Variants in CSMD2 observed in about 807,000 individuals in gnomAD.
CSMD2 encodes the protein CUB and Sushi multiple domains 2, also known as CUB and sushi domain-containing protein 2.
Under a neutral mutation model 398.5 loss-of-function variants are expected in CSMD2, and 130 were observed. That is an observed-to-expected ratio of 0.33 (90% confidence interval 0.28 to 0.38). The LOEUF (loss-of-function observed/expected upper bound fraction) is 0.38, where lower values mean the gene tolerates loss of function less well. CSMD2 is among the 10% of genes least tolerant of loss of function. CSMD2 has a pLI of 1.00. For missense variants in CSMD2, 3,829 were observed against 4,764.9 expected (o/e 0.80, Z 5.78); for synonymous variants, 1,828 against 1,908.5 (o/e 0.96, Z 1.10).
intron 1 of CSMD2, among the ~76,000 whole-genome samples, chr1:34,090,293 C>G (rs953532460): frequency 6.6e-6 from 1 of 152,182 alleles, no homozygotes; most frequent in African/African-American, 2.4e-5. Context: ...TGGGACCACA[C>G]TTTGAGCAGC....
intron 5 of CSMD2, among the ~76,000 whole-genome samples, chr1:33,906,763 G>A (rs1643115551): frequency 6.6e-6 from 1 of 152,154 alleles, no homozygotes; most frequent in African/African-American, 2.4e-5. Context: ...CTGGCTCAGT[G>A]GGTAGGCTGG....
At chr1:33,617,431 G>A in intron 38 of CSMD2, 68 bp downstream of exon 38, 4 of 1,177,380 alleles carry the variant, frequency 3.4e-6, no homozygotes, top group Non-Finnish European at 5.1e-6. Flanking sequence ...TAGCTCTGCT[G>A]GTGTAAGGCT....
intron 4 of CSMD2, among the ~76,000 whole-genome samples, chr1:33,928,363 G>C (rs1644198626): frequency 6.6e-6 from 1 of 152,194 alleles, no homozygotes; most frequent in South Asian, 2.1e-4. Flanking sequence ...CTGGTACTTA[G>C]TTAGGGCTCA....
chr1:33,548,285 C>T (rs891650895), intron 56 of CSMD2, among the ~76,000 whole-genome samples: 1 of 152,194 alleles, frequency 6.6e-6, no homozygotes, highest in Admixed American at 6.5e-5. Flanking sequence ...GCCCCCACTA[C>T]AGTATTGGAG....
At chr1:34,054,375 C>T (rs987227607) in intron 2 of CSMD2, among the ~76,000 whole-genome samples, 1 of 152,258 alleles carries the variant, frequency 6.6e-6, no homozygotes, top group East Asian at 1.9e-4. Context: ...AGAACTTGCA[C>T]TAAAGACAGG....
chr1:33,523,648 T>C (rs1413918339), intron 66 of CSMD2, among the ~76,000 whole-genome samples: 1 of 152,208 alleles, frequency 6.6e-6, no homozygotes, highest in Non-Finnish European at 1.5e-5. Flanking sequence ...ATGTTAATAA[T>C]TGGATTACCG....
intron 1 of CSMD2, among the ~76,000 whole-genome samples, chr1:34,152,804 A>T (rs1180773726): frequency 2.6e-5 from 4 of 152,150 alleles, no homozygotes; most frequent in African/African-American, 9.6e-5. Flanking sequence ...TGTTGAGCTA[A>T]CATCACCCAC....
intron 55 of CSMD2, among the ~76,000 whole-genome samples, chr1:33,555,380 T>C (rs1308035915): frequency 6.6e-6 from 1 of 152,214 alleles, no homozygotes; most frequent in East Asian, 1.9e-4. Context: ...GAAACTACTT[T>C]TGGTGAAAAT....
intron 42 of CSMD2, among the ~76,000 whole-genome samples, chr1:33,604,777 C>T (rs1268550771): frequency 1.3e-5 from 2 of 151,896 alleles, no homozygotes; most frequent in African/African-American, 4.8e-5. Context: ...CCTCCAGCTC[C>T]CTGATAGATC....
At chr1:33,932,261 G>A (rs769726520) in intron 4 of CSMD2, among the ~76,000 whole-genome samples, 1 of 152,184 alleles carries the variant, frequency 6.6e-6, no homozygotes, top group Non-Finnish European at 1.5e-5. Context: ...AGAGAATGGG[G>A]TTGGAGGTGG....
intron 25 of CSMD2, among the ~76,000 whole-genome samples, chr1:33,685,965 A>G (rs1218349607): frequency 1.3e-5 from 2 of 152,224 alleles, no homozygotes; most frequent in East Asian, 1.9e-4. Context: ...GAATCAGACC[A>G]CAGCCTGAAT....
At chr1:33,731,959 T>C (rs1646733494) in intron 15 of CSMD2, among the ~76,000 whole-genome samples, 3 of 152,080 alleles carry the variant, frequency 2.0e-5, no homozygotes, top group African/African-American at 4.8e-5. Context: ...GGGATATAAA[T>C]GAAAACAAAA....
chr1:34,016,373 C>G (rs148766259), intron 3 of CSMD2, among the ~76,000 whole-genome samples: 1,847 of 151,864 alleles, frequency 0.012, 41 homozygotes, highest in African/African-American at 0.041. Context: ...TGTCACTGTT[C>G]AACTCCCACT....
At chr1:34,015,049 T>C (rs1647887747) in intron 3 of CSMD2, among the ~76,000 whole-genome samples, 1 of 152,204 alleles carries the variant, frequency 6.6e-6, no homozygotes, top group African/African-American at 2.4e-5. Context: ...CAGGCATATT[T>C]CTCAAGAAAA....
At chr1:34,149,888 G>C (rs1640128973) in intron 1 of CSMD2, among the ~76,000 whole-genome samples, 1 of 152,142 alleles carries the variant, frequency 6.6e-6, no homozygotes, top group South Asian at 2.1e-4. Context: ...ACTTGTGGAG[G>C]CAGAGCCTTT....
intron 2 of CSMD2, among the ~76,000 whole-genome samples, chr1:34,058,872 T>C (rs1235175484): frequency 1.3e-5 from 2 of 152,116 alleles, no homozygotes; most frequent in Non-Finnish European, 2.9e-5. Flanking sequence ...CTGGAAGCCA[T>C]GGATGCTATA....
intron 1 of CSMD2, among the ~76,000 whole-genome samples, chr1:34,094,955 C>A (rs1384690118): frequency 6.9e-6 from 1 of 144,796 alleles, no homozygotes; most frequent in African/African-American, 2.6e-5. Context: ...ACAGAATATA[C>A]ATTTTTTTCA....
At chr1:33,715,834 A>T (rs1646147669) in intron 20 of CSMD2, among the ~76,000 whole-genome samples, 1 of 152,178 alleles carries the variant, frequency 6.6e-6, no homozygotes, top group Non-Finnish European at 1.5e-5. Context: ...ATAAATATCT[A>T]TTACTACAAA....
chr1:33,699,561 C>T (rs1345952833), intron 23 of CSMD2, among the ~76,000 whole-genome samples: 4 of 152,190 alleles, frequency 2.6e-5, no homozygotes, highest in Non-Finnish European at 5.9e-5. Flanking sequence ...TCAAAGGTGT[C>T]TCTAATCCTC....
Sources: allele counts gnomAD v4.1 joint callset (sites outside exome capture counted in the v4.1 genomes callset), GRCh38; gene constraint gnomAD v4.1.1; transcripts MANE v1.5; gene names NCBI Gene and HGNC (gene_info 2026-07-23, HGNC 2026-07-21).